The following DAB1 variants were observed in gnomAD, a reference collection of about 807,000 sequenced individuals.
The protein encoded by DAB1 is disabled homolog 1.
Under a neutral mutation model 64.6 loss-of-function variants are expected in DAB1, and 15 were observed. The ratio of observed to expected loss-of-function variants is 0.23; its 90% CI spans 0.16 to 0.36. The LOEUF is 0.36. Ranked by LOEUF, DAB1 falls within the 10% of genes least tolerant of loss-of-function variation. DAB1 has a pLI of 1.00. For missense variants in DAB1, 596 were observed against 706.7 expected, an observed-to-expected ratio of 0.84 and a Z score of 1.78; for synonymous variants, 235 against 251.9, an observed-to-expected ratio of 0.93 and a Z score of 0.64.
chr1:57,698,106 G>C (rs541207873), intron 6 of DAB1, among the ~76,000 whole-genome samples: 1 of 145,620 alleles, frequency 6.9e-6, no homozygotes, highest in East Asian at 2.0e-4. Context: ...TTTTTTTTTA[G>C]ACAGGGTCTT....
intron 2 of DAB1, among the ~76,000 whole-genome samples, chr1:57,176,976 A>T (rs1269571534): frequency 7.8e-6 from 1 of 127,592 alleles, no homozygotes; most frequent in African/African-American, 3.9e-5. Flanking sequence ...CAGATATAAA[A>T]AAAAAAAAAA....
At chr1:57,133,037 G>A (rs982577382) in intron 4 of DAB1, among the ~76,000 whole-genome samples, 8 of 152,060 alleles carry the variant, frequency 5.3e-5, no homozygotes, top group African/African-American at 1.2e-4. Context: ...ATGGACCCTG[G>A]CTTTCCCATC....
chr1:58,531,061 A>G (rs1646427370), intron 1 of DAB1, among the ~76,000 whole-genome samples: 1 of 152,190 alleles, frequency 6.6e-6, no homozygotes, highest in Non-Finnish European at 1.5e-5. Flanking sequence ...AAACTGAGAT[A>G]GAGAGAGGTT....
chr1:58,374,923 T>C (rs1490554522), intron 3 of DAB1, among the ~76,000 whole-genome samples: 607 of 129,464 alleles, frequency 4.7e-3, no homozygotes, highest in Non-Finnish European at 5.8e-3. Flanking sequence ...TTCCTAGCTA[T>C]TTTATTCTCT....
chr1:57,913,107 T>C (rs892493659), intron 5 of DAB1, among the ~76,000 whole-genome samples: 1 of 152,174 alleles, frequency 6.6e-6, no homozygotes, highest in African/African-American at 2.4e-5. Context: ...AAAGTTCATA[T>C]GGAACCAAAA....
intron 4 of DAB1, among the ~76,000 whole-genome samples, chr1:58,336,813 T>C (rs1663127861): frequency 6.6e-6 from 1 of 152,210 alleles, no homozygotes; most frequent in Non-Finnish European, 1.5e-5. Context: ...ATTTTACAGA[T>C]GCAGCCTTTG....
At position 57,492,028 on chromosome 1, in the gene DAB1, T is replaced by G. The variant is rs74688592; in HGVS notation, n.625+157564A>C. 7.9e-3 allele frequency among the ~76,000 whole-genome samples: 1,209 copies of G among 152,204 alleles called. 50 individuals carry two copies. In the East Asian group the frequency reaches 0.14, roughly 18 times the overall value. ...CAGAGAATGAGTGTTGAAAAAGAAATAAGAGAAGAAGAAGAAACTGCAGAG... is the reference window on the plus strand; with the variant it reads ...CAGAGAATGAGTGTTGAAAAAGAAAGAAGAGAAGAAGAAGAAACTGCAGAG... On this transcript the variant is annotated intron_variant and non_coding_transcript_variant, in intron 7 of 20. Transcript: ENST00000485760.
chr1:57,291,046 G>T lies in DAB1; in HGVS notation c.-16C>A. 1.2e-6 allele frequency: 2 copies of T among 1,600,628 alleles called. No individual in the cohort carries two copies. The highest frequency in any genetic ancestry group is 1.7e-4 in the Middle Eastern group (1 of 6,008). ...CAGTTGACATCCTACTTAATCCTTA[G>T]TCCACTTCACACAGATCCCGGGCCT... On this transcript the variant is annotated 5_prime_UTR_variant, in exon 2 of 15. Coordinates refer to ENST00000371236, the MANE Select transcript of DAB1 (RefSeq NM_001365792.1).
At chr1:58,446,177 A>T (rs1645064288) in intron 3 of DAB1, among the ~76,000 whole-genome samples, 1 of 152,198 alleles carries the variant, frequency 6.6e-6, no homozygotes, top group East Asian at 1.9e-4. Context: ...TAATTGGGAA[A>T]TTGATTTCGT....
intron 3 of DAB1, among the ~76,000 whole-genome samples, chr1:58,476,317 T>C (rs1404792317): frequency 6.6e-6 from 1 of 152,096 alleles, no homozygotes; most frequent in East Asian, 1.9e-4. Flanking sequence ...ATCAGAGACA[T>C]CCTAAGACCT....
intron 4 of DAB1, among the ~76,000 whole-genome samples, chr1:58,155,471 G>A (rs1425934015): frequency 6.6e-6 from 1 of 152,158 alleles, no homozygotes; most frequent in African/African-American, 2.4e-5. Context: ...TTAACACTGT[G>A]AAAAACGGGA....
intron 5 of DAB1, among the ~76,000 whole-genome samples, chr1:57,921,937 T>C (rs979376039): frequency 7.9e-5 from 12 of 152,172 alleles, no homozygotes; most frequent in African/African-American, 2.9e-4. Context: ...GCCCCCTCCG[T>C]GGTGTTTCTT....
chr1:57,922,373 G>T (rs190924230), intron 5 of DAB1, among the ~76,000 whole-genome samples: 16 of 152,012 alleles, frequency 1.1e-4, no homozygotes, highest in Admixed American at 1.3e-4. Context: ...GTAGAAGGAA[G>T]AAAGGAAGGA....
intron 4 of DAB1, among the ~76,000 whole-genome samples, chr1:58,290,905 G>C (rs1661811988): frequency 6.6e-6 from 1 of 152,060 alleles, no homozygotes; most frequent in South Asian, 2.1e-4. Context: ...CTGCAGACCC[G>C]AGGGTCAGCC....
intron 3 of DAB1, among the ~76,000 whole-genome samples, chr1:58,344,879 A>T (rs985683823): frequency 1.3e-5 from 2 of 151,800 alleles, no homozygotes; most frequent in Non-Finnish European, 2.9e-5. Flanking sequence ...AATACTCAAA[A>T]TATTATTCTC....
intron 1 of DAB1, among the ~76,000 whole-genome samples, chr1:57,394,952 G>A (rs540467023): frequency 1.3e-4 from 20 of 152,252 alleles, no homozygotes; most frequent in African/African-American, 4.8e-4. Flanking sequence ...TCTTAGAAAG[G>A]ATATCATCAT....
intron 1 of DAB1, among the ~76,000 whole-genome samples, chr1:57,355,702 A>T (rs945892800): frequency 2.0e-4 from 30 of 152,062 alleles, no homozygotes; most frequent in Admixed American, 1.9e-3. Flanking sequence ...AAATGTAGGC[A>T]GGCCCGTGGA....
In DAB1 at chr1:57,110,754, TA is replaced by T. The variant is rs370440146; in HGVS notation, c.306+25788del. Among the ~76,000 whole-genome samples the T allele has an allele frequency of 5.7e-4, 87 of 152,238 alleles. No individual in the cohort carries two copies. The East Asian group carries it at 0.01, about 18-fold the overall frequency. On this transcript the variant is annotated intron_variant, in intron 4 of 14. Transcript: ENST00000371236. ...TATTGACTCCTTGCTATAAACTCAG[TA>T]CTTCATGGGCGTTATTTCATTTTCA...
intron 3 of DAB1, among the ~76,000 whole-genome samples, chr1:57,140,160 T>C (rs1027737616): frequency 2.0e-5 from 3 of 152,114 alleles, no homozygotes; most frequent in Non-Finnish European, 4.4e-5. Context: ...GAAGTGGATA[T>C]AGGTCCTGTT....
Sources: gnomAD v4.1 joint callset for allele counts (sites outside exome capture counted in the v4.1 genomes callset) on GRCh38, gnomAD v4.1.1 for gene constraint, MANE v1.5 for transcripts, NCBI Gene and HGNC (gene_info 2026-07-23, HGNC 2026-07-21) for gene names.